The following RAB11FIP2 variants were observed in gnomAD, a reference collection of about 807,000 sequenced individuals.
RAB11FIP2 encodes RAB11 family interacting protein 2.
Under a neutral mutation model 40.9 loss-of-function variants are expected in RAB11FIP2, and 16 were observed. The ratio of observed to expected loss-of-function variants is 0.39; its 90% CI spans 0.26 to 0.59. The LOEUF (loss-of-function observed/expected upper bound fraction) is 0.59. RAB11FIP2 is among the 20% of genes least tolerant of loss of function. The pLI is 0.53. For synonymous variants in RAB11FIP2, 228 were observed against 213.7 expected, an observed-to-expected ratio of 1.07 and a Z score of -0.58; for missense variants, 532 against 606.2, an observed-to-expected ratio of 0.88 and a Z score of 1.28.
chr10:118,038,774 T>C (rs976738122), intron 3 of RAB11FIP2, 198 bp downstream of exon 3: 5 of 503,196 alleles, frequency 9.9e-6, no homozygotes, highest in African/African-American at 6.0e-5. Flanking sequence ...AAGAGTCTTT[T>C]ATCTTCTTAA....
intron 1 of RAB11FIP2, 116 bp downstream of exon 1, chr10:118,045,695 G>T: frequency 1.3e-6 from 1 of 790,810 alleles, no homozygotes; most frequent in Non-Finnish European, 2.0e-6. Context: ...GCTTAAAACT[G>T]GATCATATTT....
At chr10:118,015,668 T>C (rs543793209) in intron 3 of RAB11FIP2, among the ~76,000 whole-genome samples, 1 of 152,358 alleles carries the variant, frequency 6.6e-6, no homozygotes, top group South Asian at 2.1e-4. Context: ...CTTGAAAATT[T>C]AAATACTGAA....
intron 3 of RAB11FIP2, among the ~76,000 whole-genome samples, chr10:118,016,921 C>CA (rs1846226921): frequency 1.3e-5 from 2 of 152,128 alleles, no homozygotes; most frequent in Non-Finnish European, 2.9e-5. Flanking sequence ...CTGTGACTAC[C>CA]AGATAGAACA....
At chr10:118,043,042 C>A (rs1846580011) in intron 1 of RAB11FIP2, among the ~76,000 whole-genome samples, 2 of 152,070 alleles carry the variant, frequency 1.3e-5, no homozygotes, top group Non-Finnish European at 2.9e-5. Context: ...GATTAGCTGA[C>A]TTTTTTTCAC....
intron 1 of RAB11FIP2, among the ~76,000 whole-genome samples, chr10:118,041,094 T>G (rs745684233): frequency 6.6e-6 from 1 of 152,084 alleles, no homozygotes; most frequent in Non-Finnish European, 1.5e-5. Flanking sequence ...TTGTTAACAT[T>G]GGAGATCATT....
intron 1 of RAB11FIP2, chr10:118,045,202 C>A (rs998745917): frequency 6.6e-6 from 1 of 152,022 alleles, no homozygotes; most frequent in Non-Finnish European, 1.5e-5. Context: ...ATTGCAAATT[C>A]AAAGGAAAAT....
At chr10:118,034,106 C>G (rs2928119) in intron 3 of RAB11FIP2, 50,966 of 695,848 alleles carry the variant, frequency 0.073, 4,202 homozygotes, top group East Asian at 0.39. Context: ...CACAACTACT[C>G]AACGCTACCA....
At chr10:118,041,274 T>G (rs1182120389) in intron 1 of RAB11FIP2, among the ~76,000 whole-genome samples, 1 of 152,004 alleles carries the variant, frequency 6.6e-6, no homozygotes, top group African/African-American at 2.4e-5. Flanking sequence ...CCTAAAATGC[T>G]TCTTGTTTGA....
In RAB11FIP2 at chr10:118,006,010, G is replaced by C. The variant is rs1429961040; in HGVS notation, c.*2988C>G. 1 of 152,492 alleles carries C rather than the reference G, an allele frequency of 6.6e-6. No individual in the cohort carries two copies. The highest frequency in any genetic ancestry group is 1.5e-5 in the Non-Finnish European group (1 of 67,986). 9.4% of individuals were successfully genotyped at this position (152,492 alleles called of 1,614,324 possible). ...TAGATGTAGTTATGTATAATCTATA[G>C]ATAATACTACATTCAGGGGACAATG... On this transcript the variant is annotated 3_prime_UTR_variant, in exon 5 of 5. Transcript: ENST00000355624.
intron 3 of RAB11FIP2, among the ~76,000 whole-genome samples, chr10:118,027,947 A>G (rs1846364821): frequency 6.6e-6 from 1 of 152,100 alleles, no homozygotes; most frequent in African/African-American, 2.4e-5. Context: ...GCACTTCCCA[A>G]TTTCCAGTAG....
chr10:118,042,768 C>T (rs191115568), intron 1 of RAB11FIP2, among the ~76,000 whole-genome samples: 2 of 151,930 alleles, frequency 1.3e-5, no homozygotes, highest in Admixed American at 1.3e-4. Flanking sequence ...CCTATGTAAA[C>T]CTGAATAAAG....
At chr10:118,016,746 G>A (rs2133164833) in intron 3 of RAB11FIP2, among the ~76,000 whole-genome samples, 1 of 152,256 alleles carries the variant, frequency 6.6e-6, no homozygotes, top group East Asian at 1.9e-4. Flanking sequence ...CTGGAGCCAG[G>A]TGGTGTGAAT....
intron 1 of RAB11FIP2, among the ~76,000 whole-genome samples, chr10:118,044,454 G>A (rs191301859): frequency 2.2e-4 from 34 of 152,014 alleles, no homozygotes; most frequent in African/African-American, 6.7e-4. Flanking sequence ...AGAATCCCTC[G>A]GAGGAAACTG....
At chr10:118,010,604 G>A (rs565081440) in intron 4 of RAB11FIP2, among the ~76,000 whole-genome samples, 1 of 152,184 alleles carries the variant, frequency 6.6e-6, no homozygotes, top group South Asian at 2.1e-4. Context: ...AGAAAGAGAA[G>A]CTAGAGTACA....
chr10:118,030,709 C>A (rs551352874), intron 3 of RAB11FIP2, among the ~76,000 whole-genome samples: 19 of 150,788 alleles, frequency 1.3e-4, no homozygotes, highest in South Asian at 4.2e-4. Context: ...AAAAAAAAAA[C>A]CAGCAAAGTT....
chr10:118,034,297 A>G (rs779749198), intron 3 of RAB11FIP2, among the ~76,000 whole-genome samples: 1 of 151,986 alleles, frequency 6.6e-6, no homozygotes, highest in Non-Finnish European at 1.5e-5. Context: ...CCAGACCTGA[A>G]AGTGGTATAC....
intron 3 of RAB11FIP2, among the ~76,000 whole-genome samples, chr10:118,034,732 C>G (rs1380037074): frequency 6.6e-6 from 1 of 152,046 alleles, no homozygotes; most frequent in African/African-American, 2.4e-5. Context: ...TTATAAAATA[C>G]AAACAACTTA....
intron 1 of RAB11FIP2, among the ~76,000 whole-genome samples, chr10:118,042,075 A>AC (rs1846567202): frequency 6.6e-6 from 1 of 152,190 alleles, no homozygotes; most frequent in African/African-American, 2.4e-5. Context: ...CAGTTAACTC[A>AC]AAGTTTTGGA....
intron 3 of RAB11FIP2, among the ~76,000 whole-genome samples, chr10:118,026,025 A>G (rs886441998): frequency 3.3e-5 from 5 of 152,246 alleles, no homozygotes; most frequent in African/African-American, 1.2e-4. Context: ...TTTGTATCAG[A>G]GTATCAACAT....
Sources: gnomAD v4.1 joint callset for allele counts (sites outside exome capture counted in the v4.1 genomes callset) on GRCh38, gnomAD v4.1.1 for gene constraint, MANE v1.5 for transcripts, NCBI Gene and HGNC (gene_info 2026-07-23, HGNC 2026-07-21) for gene names.